The following SYNDIG1 variants were observed in gnomAD, a reference collection of about 807,000 sequenced individuals.
The protein encoded by SYNDIG1 is synapse differentiation-inducing gene protein 1.
A neutral mutation model predicts 19.4 loss-of-function variants in SYNDIG1; 9 were observed. That is an observed-to-expected ratio of 0.46 (90% CI 0.28 to 0.81). SYNDIG1 has a LOEUF of 0.81. SYNDIG1 is among the 30% of genes least tolerant of loss of function. The probability of loss-of-function intolerance (pLI) is 0.12; values close to 1 mark genes in which losing one functional copy is unlikely to be tolerated. For synonymous variants in SYNDIG1, 141 were observed against 145.9 expected, an observed-to-expected ratio of 0.97 and a Z score of 0.24; for missense variants, 311 against 343.3, an observed-to-expected ratio of 0.91 and a Z score of 0.74.
intron 1 of SYNDIG1, among the ~76,000 whole-genome samples, chr20:24,512,912 C>T (rs1329800512): frequency 6.6e-6 from 1 of 152,146 alleles, no homozygotes; most frequent in Non-Finnish European, 1.5e-5. Context: ...TGGCCGGGTA[C>T]CCCTCTGAGA....
intron 1 of SYNDIG1, among the ~76,000 whole-genome samples, chr20:24,512,406 TAGAC>T (rs1265442870): frequency 6.6e-6 from 1 of 151,488 alleles, no homozygotes; most frequent in Non-Finnish European, 1.5e-5. Flanking sequence ...GAAGAGGTGA[TAGAC>T]AGCACCTGGA....
chr20:24,517,697 CAT>C (rs1356930549), intron 1 of SYNDIG1, among the ~76,000 whole-genome samples: 25 of 141,046 alleles, frequency 1.8e-4, no homozygotes, highest in South Asian at 6.6e-4. Context: ...TATATATACA[CAT>C]ATATATGTGT....
intron 1 of SYNDIG1, among the ~76,000 whole-genome samples, chr20:24,534,238 T>C (rs2057317527): frequency 6.6e-6 from 1 of 152,110 alleles, no homozygotes; most frequent in Admixed American, 6.5e-5. Context: ...TGATGTGACT[T>C]TGTCATCATC....
intron 1 of SYNDIG1, among the ~76,000 whole-genome samples, chr20:24,499,016 T>TTTTGTTTG (rs145903809): frequency 6.6e-6 from 1 of 151,984 alleles, no homozygotes; most frequent in African/African-American, 2.4e-5. Flanking sequence ...GTTTCTCCTG[T>TTTTGTTTG]TTTGTTTGTT....
At position 24,505,617 on chromosome 20, in the gene SYNDIG1, C is replaced by T. The variant is rs148885747; in HGVS notation, c.-79+35864C>T. Among the ~76,000 whole-genome samples the T allele has an allele frequency of 2.7e-3, 415 of 152,278 alleles. 5 individuals carry two copies. Among genetic ancestry groups the T allele is most frequent in the African/African-American group, 9.3e-3 (387 of 41,544 alleles). On this transcript the variant is annotated intron_variant, in intron 1 of 3. Coordinates refer to ENST00000376862, the MANE Select transcript of SYNDIG1 (RefSeq NM_024893.3). ...TTCTTAGGCAATCTTAGGTGGCTTC[C>T]GCCCATATTTGCTGTCTTCATGTTT...
At chr20:24,568,185 C>G (rs2058086140) in intron 2 of SYNDIG1, among the ~76,000 whole-genome samples, 2 of 152,052 alleles carry the variant, frequency 1.3e-5, no homozygotes, top group South Asian at 4.2e-4. Flanking sequence ...AGCAGCTGGT[C>G]CAGTTTTGTG....
intron 3 of SYNDIG1, among the ~76,000 whole-genome samples, chr20:24,592,940 A>C (rs2147082433): frequency 6.6e-6 from 1 of 152,302 alleles, no homozygotes; most frequent in Middle Eastern, 3.4e-3. Context: ...GGAAAGAACA[A>C]GTTGATTTGC....
chr20:24,503,818 C>T (rs1485209804), intron 1 of SYNDIG1, among the ~76,000 whole-genome samples: 1 of 152,210 alleles, frequency 6.6e-6, no homozygotes. Context: ...ACACAGGCTT[C>T]TTCTGGCTGC....
intron 1 of SYNDIG1, among the ~76,000 whole-genome samples, chr20:24,492,094 T>C (rs1027447259): frequency 1.1e-4 from 16 of 152,192 alleles, no homozygotes; most frequent in African/African-American, 3.4e-4. Flanking sequence ...GCCGGCTCCG[T>C]GTGAACAGAT....
Position 24,549,614 on chromosome 20 carries a change from T to C in SYNDIG1, c.480+6037T>C, listed in dbSNP as rs140183202. Among the ~76,000 whole-genome samples the C allele has an allele frequency of 1.8e-4, 27 of 152,304 alleles. No homozygotes were observed. The East Asian group carries it at 5.2e-3, about 29-fold the overall frequency. ...TAGGGGTGGGTGACTGCAACCCCAC[T>C]GTTACAAAGCTCTTTCAGCTTTGCT... On this transcript the variant is annotated intron_variant, in intron 2 of 3. Coordinates refer to ENST00000376862, the MANE Select transcript of SYNDIG1 (RefSeq NM_024893.3).
intron 2 of SYNDIG1, among the ~76,000 whole-genome samples, chr20:24,584,108 C>T (rs897465518): frequency 7.9e-5 from 12 of 152,178 alleles, no homozygotes; most frequent in African/African-American, 2.9e-4. Flanking sequence ...CAGCACACCC[C>T]TTCTCCATCA....
At chr20:24,663,668 C>T (rs2059623666) in intron 3 of SYNDIG1, among the ~76,000 whole-genome samples, 1 of 152,192 alleles carries the variant, frequency 6.6e-6, no homozygotes, top group Non-Finnish European at 1.5e-5. Context: ...TGTGAGCCCT[C>T]ATGAGCTCGG....
chr20:24,605,739 T>A (rs754883319), intron 3 of SYNDIG1, among the ~76,000 whole-genome samples: 60 of 152,158 alleles, frequency 3.9e-4, no homozygotes, highest in Non-Finnish European at 7.4e-4. Context: ...GTAATTAGCA[T>A]CTTGATTTTG....
At chr20:24,510,209 C>G (rs928627650) in intron 1 of SYNDIG1, among the ~76,000 whole-genome samples, 11 of 152,144 alleles carry the variant, frequency 7.2e-5, no homozygotes, top group African/African-American at 2.7e-4. Flanking sequence ...CAGCCTAATG[C>G]ACTTTCTGTT....
At chr20:24,478,130 A>G (rs1414720923) in intron 1 of SYNDIG1, among the ~76,000 whole-genome samples, 1 of 152,222 alleles carries the variant, frequency 6.6e-6, no homozygotes, top group Non-Finnish European at 1.5e-5. Context: ...GAGCTAAACA[A>G]TTGTGAGGAA....
intron 1 of SYNDIG1, among the ~76,000 whole-genome samples, chr20:24,499,073 G>A (rs1185558633): frequency 6.6e-6 from 1 of 152,220 alleles, no homozygotes; most frequent in Non-Finnish European, 1.5e-5. Flanking sequence ...AGTGCAGGCT[G>A]GAGTGCAGTG....
At chr20:24,659,015 G>A (rs75803079) in intron 3 of SYNDIG1, among the ~76,000 whole-genome samples, 3,086 of 152,034 alleles carry the variant, frequency 0.02, 52 homozygotes, top group Middle Eastern at 0.075. Flanking sequence ...GCTGCTGCCC[G>A]GTCTCCAACT....
intron 2 of SYNDIG1, among the ~76,000 whole-genome samples, chr20:24,546,554 C>G (rs1305207603): frequency 6.6e-6 from 1 of 152,214 alleles, no homozygotes; most frequent in Non-Finnish European, 1.5e-5. Flanking sequence ...GTCACCCATC[C>G]TGTCCCAGGC....
rs560582850 is a variant in SYNDIG1, at chr20:24,490,592, G to A, written c.-79+20839G>A. Among the ~76,000 whole-genome samples, 463 of 152,294 alleles carry A rather than the reference G, an allele frequency of 3.0e-3. 2 individuals are homozygous for A. The highest frequency in any genetic ancestry group is 6.0e-3 in the Non-Finnish European group (407 of 68,024). ...CTCGGTTTCCTTATGAATGAAGCGA[G>A]CACGCCAGTTACCCCTCCATGGTGT... On this transcript the variant is annotated intron_variant, in intron 1 of 3. Transcript: ENST00000376862.
Sources: gnomAD v4.1 joint callset for allele counts (sites outside exome capture counted in the v4.1 genomes callset) on GRCh38, gnomAD v4.1.1 for gene constraint, MANE v1.5 for transcripts, NCBI Gene and HGNC (gene_info 2026-07-23, HGNC 2026-07-21) for gene names.